Variants in U2SURP observed in about 807,000 individuals in gnomAD.
U2SURP encodes U2 snRNP-associated SURP motif-containing protein.
A neutral mutation model predicts 144.9 loss-of-function variants in U2SURP; 9 were observed. The observed-to-expected ratio is 0.06, with a 90% confidence interval of 0.04 to 0.11. The LOEUF (loss-of-function observed/expected upper bound fraction) is 0.11. U2SURP is among the 10% of genes least tolerant of loss of function. The pLI is 1.00. For missense variants in U2SURP, 724 were observed against 1,226.7 expected (o/e 0.59, Z 6.12); for synonymous variants, 408 against 396.8 (o/e 1.03, Z -0.33).
chr3:143,020,030 TA>T lies in U2SURP; in HGVS notation c.635del (p.Lys212SerfsTer17). ...AATTTGGAACTCTTCAAAGAAGAAT[TA>T]AAGCAGTAAGTTTTATAGTGTGGAG... ...KSNLELFKEELKQIQEERDER... is the reference protein window; with the variant it reads ...KSNLELFKEEXKQIQEERDER... On this transcript the variant is annotated frameshift_variant, in exon 7 of 28. Transcript: ENST00000473835. LOFTEE classifies it high-confidence loss of function. 1 of 1,498,474 alleles carries T rather than the reference TA, an allele frequency of 6.7e-7. No homozygotes were observed. The highest frequency in any genetic ancestry group is 9.0e-7 in the Non-Finnish European group (1 of 1,113,474). 92.8% of individuals were successfully genotyped at this position (1,498,474 alleles called of 1,614,324 possible). A position where few individuals can be genotyped will look rare whatever the true frequency, so the allele number is the denominator to read the frequency against.
intron 24 of U2SURP, among the ~76,000 whole-genome samples, chr3:143,046,997 G>A (rs1271479020): frequency 2.2e-5 from 3 of 138,502 alleles, no homozygotes; most frequent in Non-Finnish European, 3.1e-5. Flanking sequence ...CGGGCGGGGG[G>A]CTGACCCCCC....
chr3:143,050,200 A>ATCCTCCT (rs1934781383), intron 24 of U2SURP, among the ~76,000 whole-genome samples: 4 of 151,968 alleles, frequency 2.6e-5, no homozygotes, highest in Non-Finnish European at 5.9e-5. Context: ...CAGTCTCCCG[A>ATCCTCCT]GTAGCTGGGA....
chr3:143,014,160 C>T, intron 3 of U2SURP, 151 bp from the exon 4 acceptor site: 1 of 426,030 alleles, frequency 2.3e-6, no homozygotes. Flanking sequence ...AGATAGGCAC[C>T]TGATGTGTAG....
intron 1 of U2SURP, chr3:143,002,279 T>G (rs1229573435): frequency 6.6e-6 from 1 of 152,440 alleles, no homozygotes. Context: ...TAACGGGAAG[T>G]AAAAAGCACT....
intron 24 of U2SURP, among the ~76,000 whole-genome samples, chr3:143,047,057 C>A (rs1481911612): frequency 4.1e-5 from 5 of 120,900 alleles, no homozygotes; most frequent in Non-Finnish European, 8.4e-5. Context: ...CTGACCCCCC[C>A]ACCTCCCTCC....
chr3:143,013,504 G>A lies in U2SURP; in HGVS notation c.223-807G>A, dbSNP rs535474971. Among the ~76,000 whole-genome samples the A allele has an allele frequency of 2.6e-5, 4 of 151,966 alleles. No individual in the cohort carries two copies. The Middle Eastern group carries it at 0.01, about 388-fold the overall frequency. On this transcript the variant is annotated intron_variant, in intron 3 of 27. Transcript: ENST00000473835. ...AATTTAAAGTCTTGATTTTGTAATT[G>A]GTTAGCTTCTCATTTTAGTAGGAGA...
At chr3:143,040,993 T>G (rs1234170659) in intron 23 of U2SURP, among the ~76,000 whole-genome samples, 18 of 151,876 alleles carry the variant, frequency 1.2e-4, no homozygotes, top group Non-Finnish European at 2.5e-4. Context: ...ACCTGTTCTG[T>G]ATTCATCTAT....
At chr3:143,014,472 T>G (rs1166448035) in intron 4 of U2SURP, 63 bp downstream of exon 4, 1 of 1,131,768 alleles carries the variant, frequency 8.8e-7, no homozygotes, top group Non-Finnish European at 1.3e-6. Context: ...GGTTAGTAAG[T>G]GTATTAGAGG....
Position 143,060,307 on chromosome 3 carries a change from T to C in U2SURP, c.*3857T>C, listed in dbSNP as rs546173924. On this transcript the variant is annotated 3_prime_UTR_variant, in exon 28 of 28. Coordinates refer to ENST00000473835, the MANE Select transcript of U2SURP (RefSeq NM_001080415.2). ...TTTGTCAGAAATGAGAATAATATAG[T>C]TGAAATCAGTTGGGCTAAAATATTC... is the stretch of plus-strand genomic sequence containing the variant. 6.6e-6 allele frequency: 1 copy of C among 152,236 alleles called. No homozygotes were observed. The highest frequency in any genetic ancestry group is 1.9e-4 in the East Asian group (1 of 5,180). 9.4% of individuals were successfully genotyped at this position (152,236 alleles called of 1,614,324 possible).
chr3:143,059,539 G>A lies in U2SURP; in HGVS notation c.*3089G>A, dbSNP rs565149201. 2.0e-5 allele frequency: 3 copies of A among 151,962 alleles called. No individual in the cohort carries two copies. The highest frequency in any genetic ancestry group is 4.8e-5 in the African/African-American group (2 of 41,516). The allele number at this position is 151,962 out of a possible 1,614,324, so 9.4% of individuals were successfully genotyped here. Reference sequence around the variant, plus strand: ...GTAAGTTCTGAAAAATTATATGACCGTGACAATAGTTTATCATCATCATTA... The same window carrying A: ...GTAAGTTCTGAAAAATTATATGACCATGACAATAGTTTATCATCATCATTA... On this transcript the variant is annotated 3_prime_UTR_variant, in exon 28 of 28. Coordinates refer to ENST00000473835, the MANE Select transcript of U2SURP (RefSeq NM_001080415.2).
chr3:143,001,815 T>C (rs1157678973), intron 1 of U2SURP, 142 bp downstream of exon 1: 14 of 1,095,952 alleles, frequency 1.3e-5, no homozygotes, highest in Admixed American at 2.3e-5. Flanking sequence ...GCCGCACCGT[T>C]GTGCGCAGGT....
chr3:143,051,602 C>CAAAAA (rs3041537), intron 25 of U2SURP, among the ~76,000 whole-genome samples: 14 of 90,590 alleles, frequency 1.5e-4, no homozygotes, highest in Non-Finnish European at 1.9e-4. Flanking sequence ...ACTGTCGTTG[C>CAAAAA]AAAAAAAAAA....
At chr3:143,004,708 C>G (rs1460162212) in intron 1 of U2SURP, among the ~76,000 whole-genome samples, 2 of 151,902 alleles carry the variant, frequency 1.3e-5, no homozygotes, top group African/African-American at 4.8e-5. Context: ...ATAATTGTCC[C>G]TAATGAAGAG....
chr3:143,035,812 A>G (rs1933779615), intron 19 of U2SURP, among the ~76,000 whole-genome samples, 170 bp from the exon 20 acceptor site: 1 of 152,096 alleles, frequency 6.6e-6, no homozygotes, highest in South Asian at 2.1e-4. Context: ...AGAAGGTGAC[A>G]TTGATTTTTT....
intron 1 of U2SURP, among the ~76,000 whole-genome samples, chr3:143,003,123 T>C (rs1452989218): frequency 6.6e-6 from 1 of 152,258 alleles, no homozygotes; most frequent in Non-Finnish European, 1.5e-5. Context: ...TTTCAATGTC[T>C]GTGTTCAGGC....
At chr3:143,003,539 CCT>C (rs1175185110) in intron 1 of U2SURP, among the ~76,000 whole-genome samples, 1 of 152,024 alleles carries the variant, frequency 6.6e-6, no homozygotes, top group Non-Finnish European at 1.5e-5. Context: ...ATTTCTTTCC[CCT>C]CTTTTTGTTT....
At chr3:143,024,895 GT>G (rs890639199) in intron 13 of U2SURP, among the ~76,000 whole-genome samples, 9 of 145,468 alleles carry the variant, frequency 6.2e-5, no homozygotes, top group African/African-American at 7.5e-5. Flanking sequence ...TTTTGTTTTT[GT>G]TTTTTTTTTG....
intron 1 of U2SURP, among the ~76,000 whole-genome samples, chr3:143,009,380 C>G (rs1027732098): frequency 2.0e-5 from 3 of 151,952 alleles, no homozygotes; most frequent in Non-Finnish European, 2.9e-5. Context: ...GACAGATCAC[C>G]TGAGGTCAGG....
At chr3:143,003,677 C>CTTTTTTTT (rs60505715) in intron 1 of U2SURP, among the ~76,000 whole-genome samples, 68 of 101,522 alleles carry the variant, frequency 6.7e-4, no homozygotes, top group Non-Finnish European at 9.0e-4. Context: ...TATTTTATTT[C>CTTTTTTTT]TTTTTTTTTT....
Sources: allele counts gnomAD v4.1 joint callset (sites outside exome capture counted in the v4.1 genomes callset), GRCh38; gene constraint gnomAD v4.1.1; transcripts MANE v1.5; gene names NCBI Gene and HGNC (gene_info 2026-07-23, HGNC 2026-07-21).